Variants in NCKAP5L observed in about 807,000 individuals in gnomAD.
NCKAP5L encodes the protein nck-associated protein 5-like.
In NCKAP5L, 54 loss-of-function variants were observed where a neutral mutation model predicts 103.2. The ratio of observed to expected loss-of-function variants is 0.52; its 90% CI spans 0.42 to 0.66. The LOEUF is 0.66. Ranked by LOEUF, NCKAP5L falls within the 30% of genes least tolerant of loss-of-function variation. The pLI is 0.00. For synonymous variants in NCKAP5L, 762 were observed against 748.6 expected (o/e 1.02, Z -0.29); for missense variants, 1,733 against 1,750.6 (o/e 0.99, Z 0.18).
At chr12:49,824,153 C>G (rs1214929330) in intron 1 of NCKAP5L, among the ~76,000 whole-genome samples, 1 of 152,182 alleles carries the variant, frequency 6.6e-6, no homozygotes, top group Non-Finnish European at 1.5e-5. Flanking sequence ...TGGTGAGTAG[C>G]CTTAGCTGGG....
intron 1 of NCKAP5L, among the ~76,000 whole-genome samples, chr12:49,813,714 G>A (rs1180646181): frequency 6.6e-6 from 1 of 152,072 alleles, no homozygotes; most frequent in Non-Finnish European, 1.5e-5. Context: ...TTTTAGTAGA[G>A]ATGGGGTTTC....
Position 49,796,015 on chromosome 12 carries a change from A to C in NCKAP5L, c.1845T>G (p.Tyr615Ter). The C allele has an allele frequency of 6.5e-7, 1 of 1,548,810 alleles. No homozygotes were observed. The change falls in exon 8 of 13, where the codon TAT (tyrosine) becomes TAG (stop). Residue 615 changes from tyrosine (Y) to a stop codon, truncating the protein, a stop_gained. Coordinates refer to ENST00000335999, the MANE Select transcript of NCKAP5L (RefSeq NM_001037806.4). LOFTEE classifies it high-confidence loss of function. ...PSPCLPESYPYGSPQEKSLDK... is the reference protein window; with the variant it reads ...PSPCLPESYP The stretch of plus-strand genomic sequence containing the variant: ...CCAAACTCTTCTCTTGGGGGCTCCC[A>C]TAGGGGTACGATTCTGGGAGGCAAG...
intron 1 of NCKAP5L, among the ~76,000 whole-genome samples, chr12:49,814,161 TA>T (rs60358336): frequency 0.33 from 23,303 of 70,478 alleles, 3,221 homozygotes; most frequent in East Asian, 0.65. Flanking sequence ...ATTTTATATT[TA>T]TATATATATA....
At chr12:49,807,802 C>G (rs1946197088) in intron 1 of NCKAP5L, among the ~76,000 whole-genome samples, 1 of 152,162 alleles carries the variant, frequency 6.6e-6, no homozygotes, top group Admixed American at 6.5e-5. Flanking sequence ...GCCCATCGGT[C>G]CCCAGCGTGT....
chr12:49,817,927 G>A (rs1946316646), intron 1 of NCKAP5L, among the ~76,000 whole-genome samples: 1 of 152,140 alleles, frequency 6.6e-6, no homozygotes, highest in Admixed American at 6.5e-5. Context: ...TCAGGAGTTT[G>A]AGACCAGCCT....
chr12:49,827,191 A>G (rs780946940), intron 1 of NCKAP5L, among the ~76,000 whole-genome samples: 6 of 151,942 alleles, frequency 3.9e-5, no homozygotes, highest in Non-Finnish European at 8.8e-5. Context: ...AGGCATTGAC[A>G]CTCTTTCTAC....
rs1945930525 is a variant in NCKAP5L, at chr12:49,791,294, CAACA to C, written c.*541_*544del. 1 of 153,126 alleles carries C rather than the reference CAACA, an allele frequency of 6.5e-6. No individual in the cohort carries two copies. Among genetic ancestry groups the C allele is most frequent in the Admixed American group, 6.5e-5 (1 of 15,284 alleles). 9.5% of individuals were successfully genotyped at this position (153,126 alleles called of 1,614,324 possible). On this transcript the variant is annotated 3_prime_UTR_variant, in exon 13 of 13. Transcript: ENST00000335999. ...CAGGCGCTTCAATATATAAAAACAA[CAACA>C]AAAAAGACGGACGAACAGACCCCAA...
At position 49,791,831 on chromosome 12, in the gene NCKAP5L, G is replaced by GCAGCCCCT. The variant is rs779197737; in HGVS notation, c.4005_*7dup. On this transcript the variant is annotated 3_prime_UTR_variant, in exon 13 of 13. Transcript: ENST00000335999. ...AGCTCCAGCGGGGCCGTGGCGTGGC[G>GCAGCCCCT]CAGCCCCTCAGCCCTGACTCCCACA... 6.3e-6 allele frequency: 10 copies of GCAGCCCCT among 1,579,458 alleles called. No homozygotes were observed. Among genetic ancestry groups the GCAGCCCCT allele is most frequent in the Non-Finnish European group, 7.8e-6 (9 of 1,160,716 alleles).
At chr12:49,814,428 G>A (rs1347596837) in intron 1 of NCKAP5L, among the ~76,000 whole-genome samples, 2 of 149,712 alleles carry the variant, frequency 1.3e-5, no homozygotes, top group Admixed American at 6.7e-5. Flanking sequence ...AGGCTGCAGT[G>A]AGCCGAGATA....
chr12:49,826,175 T>C (rs1946414380), intron 1 of NCKAP5L, among the ~76,000 whole-genome samples: 1 of 151,764 alleles, frequency 6.6e-6, no homozygotes, highest in South Asian at 2.1e-4. Context: ...GCAAAAGCAG[T>C]GGGGCCCTCC....
chr12:49,820,356 G>A (rs1004084610), intron 1 of NCKAP5L, among the ~76,000 whole-genome samples: 90 of 134,106 alleles, frequency 6.7e-4, no homozygotes, highest in African/African-American at 2.5e-3. Context: ...TTGCTCTGTC[G>A]CCCAGGCTGG....
Position 49,796,885 on chromosome 12 carries a change from C to G in NCKAP5L, c.975G>C (p.Gln325His). 1.9e-6 allele frequency: 3 copies of G among 1,611,998 alleles called. No homozygotes were observed. Among genetic ancestry groups the G allele is most frequent in the Non-Finnish European group, 2.5e-6 (3 of 1,179,464 alleles). ...DTLLGALARR[Q>H]LNLGQLLEDT... Reference sequence around the variant, plus strand: ...CCTCAAGGAGCTGGCCCAGGTTCAACTGTCTGCGGGCCAGGGCACCGAGCA... The same window carrying G: ...CCTCAAGGAGCTGGCCCAGGTTCAAGTGTCTGCGGGCCAGGGCACCGAGCA... Residue 325 changes from glutamine to histidine, a missense_variant, in exon 8 of 13, where the codon CAG (glutamine) becomes CAC (histidine). Coordinates refer to ENST00000335999, the MANE Select transcript of NCKAP5L (RefSeq NM_001037806.4).
At position 49,797,187 on chromosome 12, in the gene NCKAP5L, T is replaced by C. The variant is rs951601148; in HGVS notation, c.673A>G (p.Ile225Val). ...PGQGPGSPEP[I>V]NGELCGPPQP... is the part of the protein sequence containing the mutation. ...GGCGGGCCACACAGCTCGCCGTTGA[T>C]GGGCTCTGGGGAGCCAGGCCCCTGG... The change falls in exon 8 of 13, where the codon ATC becomes GTC. Residue 225 changes from isoleucine to valine, a missense_variant. Coordinates refer to ENST00000335999, the MANE Select transcript of NCKAP5L (RefSeq NM_001037806.4). The surrounding 1 kb of genome is among the most constrained non-coding windows in gnomAD (Gnocchi z 4.5). The C allele has an allele frequency of 6.2e-7, 1 of 1,612,654 alleles. No individual in the cohort carries two copies. Among genetic ancestry groups the C allele is most frequent in the Non-Finnish European group, 8.5e-7 (1 of 1,179,556 alleles).
rs774674581 is a variant in NCKAP5L, at chr12:49,791,967, T to G, written c.3877A>C (p.Thr1293Pro). The change falls in exon 13 of 13, where the codon ACC (threonine) becomes CCC (proline). Residue 1293 changes from threonine (T) to proline (P), a missense_variant. Transcript: ENST00000335999. Reference protein sequence around the residue: ...PQGPPFGGSRTPSTSDMAEEG... With the variant: ...PQGPPFGGSRPPSTSDMAEEG... Reference sequence around the variant, plus strand: ...TCGGCCATGTCCGAAGTGCTGGGGGTGCGGCTACCCCCGAAAGGTGGGCCC... The same window carrying G: ...TCGGCCATGTCCGAAGTGCTGGGGGGGCGGCTACCCCCGAAAGGTGGGCCC... 6.2e-7 allele frequency: 1 copy of G among 1,609,712 alleles called. No individual in the cohort carries two copies. The highest frequency in any genetic ancestry group is 1.1e-5 in the South Asian group (1 of 90,668).
Position 49,818,756 on chromosome 12 carries a change from T to C in NCKAP5L, c.-99+9566A>G, listed in dbSNP as rs140892002. Reference sequence around the variant, plus strand: ...AGGGAAATGTAAATTTAAACCACAATGAGATATTACCTCATACATTTAGAA... The same window carrying C: ...AGGGAAATGTAAATTTAAACCACAACGAGATATTACCTCATACATTTAGAA... On this transcript the variant is annotated intron_variant, in intron 1 of 12. Transcript: ENST00000335999. 6.5e-4 allele frequency among the ~76,000 whole-genome samples: 99 copies of C among 152,134 alleles called. 1 individual carries two copies. In the East Asian group the frequency reaches 0.019, roughly 29 times the overall value.
intron 1 of NCKAP5L, among the ~76,000 whole-genome samples, chr12:49,818,053 C>T (rs1358956936): frequency 6.6e-6 from 1 of 151,648 alleles, no homozygotes; most frequent in Non-Finnish European, 1.5e-5. Context: ...CTCTTGAACC[C>T]AGGAGGTAGT....
At position 49,796,189 on chromosome 12, in the gene NCKAP5L, C is replaced by G. The variant is rs767074247; in HGVS notation, c.1671G>C (p.Glu557Asp). The G allele has an allele frequency of 6.2e-7, 1 of 1,605,034 alleles. No individual in the cohort carries two copies. The highest frequency in any genetic ancestry group is 2.2e-5 in the East Asian group (1 of 44,854). The change falls in exon 8 of 13, where the codon GAG becomes GAC. Residue 557 changes from glutamate (E) to aspartate (D), a missense_variant. Physicochemically the swap from Glu to Asp is conservative, Grantham distance 45. Coordinates refer to ENST00000335999, the MANE Select transcript of NCKAP5L (RefSeq NM_001037806.4). ...SPGPVVSPCY[E>D]NILDLSRSTF... is the part of the protein sequence containing the mutation. ...TGCTCCGAGAAAGGTCCAGAATGTT[C>G]TCATAGCAGGGAGACACCACTGGGC...
At chr12:49,793,618 A>G (rs759248742) in intron 9 of NCKAP5L, 116 bp downstream of exon 9, 27 of 1,357,624 alleles carry the variant, frequency 2.0e-5, no homozygotes, top group Non-Finnish European at 2.5e-5. Context: ...CCCCGTAGAG[A>G]CTGTGAGTGC....
intron 1 of NCKAP5L, among the ~76,000 whole-genome samples, chr12:49,824,506 C>T (rs929096881): frequency 4.6e-5 from 7 of 152,244 alleles, no homozygotes; most frequent in African/African-American, 9.6e-5. Flanking sequence ...TGGCCAGTGC[C>T]GTAGAAACCT....
Sources: allele counts gnomAD v4.1 joint callset (sites outside exome capture counted in the v4.1 genomes callset), GRCh38; gene constraint gnomAD v4.1.1; non-coding constraint Gnocchi (gnomAD v3.1); transcripts MANE v1.5; gene names NCBI Gene and HGNC (gene_info 2026-07-23, HGNC 2026-07-21).